ATF7IP: variants seen among roughly 807,000 people sequenced by gnomAD.
ATF7IP encodes the protein activating transcription factor 7 interacting protein.
ATF7IP carries 23 observed loss-of-function variants against 106.4 expected under a neutral mutation model. The observed-to-expected ratio is 0.22, with a 90% CI of 0.16 to 0.31. The LOEUF is 0.31. ATF7IP is among the 10% of genes least tolerant of loss of function. The pLI is 1.00. For missense variants in ATF7IP, 1,334 were observed against 1,524.3 expected (o/e 0.88, Z 2.08); for synonymous variants, 542 against 539.0 (o/e 1.01, Z -0.08).
rs749324510 is a variant in ATF7IP, at chr12:14,436,117, A to C, written c.1657A>C (p.Arg553=). 6.2e-7 allele frequency: 1 copy of C among 1,612,542 alleles called. No individual in the cohort carries two copies. Among genetic ancestry groups the C allele is most frequent in the South Asian group, 1.1e-5 (1 of 90,850 alleles). ...ERPSEKNEFS[R]RKRSKSEDMD... ...GTTTTCCTTCTCAGATGAATTTTCT[A>C]GACGAAAACGTTCTAAATCAGAAGA... is the stretch of plus-strand genomic sequence containing the variant. The change falls in exon 4 of 15, where the codon AGA becomes CGA. Residue 553 remains arginine, a synonymous_variant. Transcript: ENST00000261168.
At chr12:14,371,728 T>G (rs1293528237) in intron 1 of ATF7IP, among the ~76,000 whole-genome samples, 2 of 152,160 alleles carry the variant, frequency 1.3e-5, no homozygotes, top group Non-Finnish European at 2.9e-5. Flanking sequence ...ATGATTTTAT[T>G]AATGATTCTG....
chr12:14,472,231 A>G (rs1357951765), intron 10 of ATF7IP, among the ~76,000 whole-genome samples: 3 of 152,170 alleles, frequency 2.0e-5, no homozygotes, highest in South Asian at 2.1e-4. Context: ...ATCCTTATCT[A>G]TTGAATAAAT....
chr12:14,449,828 C>T (rs1188008363), intron 6 of ATF7IP, among the ~76,000 whole-genome samples: 2 of 151,916 alleles, frequency 1.3e-5, no homozygotes, highest in African/African-American at 4.8e-5. Context: ...AATCCATAAA[C>T]ACAGGATGTC....
At chr12:14,479,902 T>C (rs547153272) in intron 12 of ATF7IP, among the ~76,000 whole-genome samples, 3 of 152,280 alleles carry the variant, frequency 2.0e-5, no homozygotes, top group Admixed American at 6.5e-5. Context: ...TTTACATTTA[T>C]ACAAAGTTAT....
chr12:14,386,066 T>C (rs1939223530), intron 1 of ATF7IP, among the ~76,000 whole-genome samples: 1 of 152,162 alleles, frequency 6.6e-6, no homozygotes, highest in African/African-American at 2.4e-5. Context: ...TCACATCTAG[T>C]CATGGATACC....
chr12:14,496,092 C>G, intron 13 of ATF7IP, 139 bp from the exon 14 acceptor site: 2 of 591,922 alleles, frequency 3.4e-6, no homozygotes, highest in East Asian at 5.9e-5. Context: ...TGAATACGAA[C>G]AGGACCTCTA....
chr12:14,482,666 C>G (rs926552796), intron 13 of ATF7IP: 1 of 152,176 alleles, frequency 6.6e-6, no homozygotes, highest in South Asian at 2.1e-4. Flanking sequence ...CCCACTGACT[C>G]AAATGTTAAT....
chr12:14,425,082 T>G lies in ATF7IP; in HGVS notation c.1167T>G (p.Ser389Arg). 1 of 1,592,676 alleles carries G rather than the reference T, an allele frequency of 6.3e-7. No homozygotes were observed. Among genetic ancestry groups the G allele is most frequent in the Non-Finnish European group, 8.5e-7 (1 of 1,174,396 alleles). The stretch of plus-strand genomic sequence containing the variant: ...TTGGAGAAGATGCTATATCTAGCAG[T>G]ATGGAAATTGACCAAGGTGAAAAGA... Reference protein sequence around the residue: ...LALGEDAISSSMEIDQGEKNE... With the variant: ...LALGEDAISSRMEIDQGEKNE... Residue 389 changes from serine (S) to arginine (R), a missense_variant, in exon 2 of 15, where the codon AGT becomes AGG. By Grantham distance (110) the Ser-to-Arg change is moderately radical. Coordinates refer to ENST00000261168, the MANE Select transcript of ATF7IP (RefSeq NM_018179.5).
At chr12:14,419,757 T>C (rs1941394359) in intron 1 of ATF7IP, among the ~76,000 whole-genome samples, 1 of 152,104 alleles carries the variant, frequency 6.6e-6, no homozygotes, top group African/African-American at 2.4e-5. Context: ...TTATACAAAT[T>C]TTGTATAATT....
chr12:14,374,081 A>G (rs1938630810), intron 1 of ATF7IP, among the ~76,000 whole-genome samples: 1 of 150,256 alleles, frequency 6.7e-6, no homozygotes, highest in Admixed American at 6.7e-5. Context: ...TACATTTTCC[A>G]TGATGGAAAA....
intron 1 of ATF7IP, among the ~76,000 whole-genome samples, chr12:14,367,690 A>G (rs1048453749): frequency 5.3e-5 from 8 of 152,102 alleles, no homozygotes; most frequent in Non-Finnish European, 1.2e-4. Context: ...TTAGGTTAAT[A>G]TTGAAGGTAG....
At chr12:14,398,352 G>A (rs1939969261) in intron 1 of ATF7IP, among the ~76,000 whole-genome samples, 2 of 148,338 alleles carry the variant, frequency 1.3e-5, no homozygotes, top group South Asian at 4.2e-4. Context: ...ATACTTCGTT[G>A]GTATTTTATC....
At position 14,460,579 on chromosome 12, in the gene ATF7IP, C is replaced by T. The variant is rs367726461; in HGVS notation, c.2243C>T (p.Thr748Ile). 1 of 1,614,182 alleles carries T rather than the reference C, an allele frequency of 6.2e-7. No individual in the cohort carries two copies. The highest frequency in any genetic ancestry group is 8.5e-7 in the Non-Finnish European group (1 of 1,180,018). The part of the protein sequence containing the change: ...LQTPVTSGSL[T>I]ATSVLPAPNT... ...ACTCCAGTGACTTCGGGTTCCCTCA[C>T]AGCAACGTCAGTTCTTCCTGCACCC... Residue 748 changes from threonine to isoleucine, a missense_variant, in exon 9 of 15, where the codon ACA (threonine) becomes ATA (isoleucine). By Grantham distance (89) the Thr-to-Ile change is moderately conservative (BLOSUM62 -1). Around this residue, in one of 10 missense-constraint regions of ATF7IP, gnomAD observed 171 missense variants for 172.6 expected, o/e 0.99. Coordinates refer to ENST00000261168, the MANE Select transcript of ATF7IP (RefSeq NM_018179.5).
intron 1 of ATF7IP, among the ~76,000 whole-genome samples, chr12:14,403,137 G>A (rs1462415530): frequency 6.6e-6 from 1 of 151,990 alleles, no homozygotes; most frequent in East Asian, 1.9e-4. Flanking sequence ...TGATTTTTAT[G>A]TTCTTAATTT....
At chr12:14,473,147 A>G (rs978114051) in intron 10 of ATF7IP, among the ~76,000 whole-genome samples, 1 of 151,668 alleles carries the variant, frequency 6.6e-6, no homozygotes, top group African/African-American at 2.4e-5. Flanking sequence ...CTATTTTGCT[A>G]TTTGTTTTCT....
At chr12:14,438,687 A>C (rs1200230781) in intron 5 of ATF7IP, among the ~76,000 whole-genome samples, 1 of 152,158 alleles carries the variant, frequency 6.6e-6, no homozygotes, top group African/African-American at 2.4e-5. Context: ...CCTTTTTACA[A>C]GGACACCAGT....
intron 13 of ATF7IP, among the ~76,000 whole-genome samples, chr12:14,483,717 G>A (rs569083128): frequency 1.2e-4 from 19 of 152,110 alleles, no homozygotes; most frequent in African/African-American, 3.9e-4. Context: ...GAGCATACAC[G>A]GCCTTCTGGA....
intron 1 of ATF7IP, among the ~76,000 whole-genome samples, chr12:14,422,366 ATTTAT>A (rs1941580555): frequency 4.0e-5 from 6 of 150,362 alleles, no homozygotes; most frequent in African/African-American, 1.5e-4. Context: ...CAACCTTTGT[ATTTAT>A]TTTGAAATTT....
chr12:14,378,914 G>A (rs751311100), intron 1 of ATF7IP, among the ~76,000 whole-genome samples: 6 of 152,176 alleles, frequency 3.9e-5, no homozygotes, highest in East Asian at 1.9e-4. Flanking sequence ...CTCAGGTATG[G>A]TGGCAGCAAA....
Sources: gnomAD v4.1 joint callset for allele counts (sites outside exome capture counted in the v4.1 genomes callset) on GRCh38, gnomAD v4.1.1 for gene constraint, gnomAD v4.1.1 regional missense constraint, MANE v1.5 for transcripts, NCBI Gene and HGNC (gene_info 2026-07-23, HGNC 2026-07-21) for gene names.